CPE: variants seen among roughly 807,000 people sequenced by gnomAD.
CPE encodes the protein carboxypeptidase E.
Under a neutral mutation model 53.5 loss-of-function variants are expected in CPE, and 17 were observed. That is an observed-to-expected ratio of 0.32 (90% CI 0.22 to 0.48). The LOEUF (loss-of-function observed/expected upper bound fraction) is 0.48. CPE is among the 20% of genes least tolerant of loss of function. CPE has a pLI of 0.99. For synonymous variants in CPE, 226 were observed against 228.8 expected, an observed-to-expected ratio of 0.99 and a Z score of 0.11; for missense variants, 524 against 614.7, an observed-to-expected ratio of 0.85 and a Z score of 1.56.
At chr4:165,460,568 C>T (rs113692781) in intron 1 of CPE, among the ~76,000 whole-genome samples, 5 of 152,238 alleles carry the variant, frequency 3.3e-5, no homozygotes, top group Admixed American at 6.5e-5. Flanking sequence ...GGTGCAGCCT[C>T]CTTGAAGCTG....
At chr4:165,381,124 CTAA>C (rs1730499521) in intron 1 of CPE, among the ~76,000 whole-genome samples, 1 of 152,050 alleles carries the variant, frequency 6.6e-6, no homozygotes, top group Non-Finnish European at 1.5e-5. Context: ...TATATGAAAG[CTAA>C]TGTTTAACTT....
intron 1 of CPE, among the ~76,000 whole-genome samples, chr4:165,393,805 T>C (rs1730720656): frequency 6.6e-6 from 1 of 152,202 alleles, no homozygotes; most frequent in South Asian, 2.1e-4. Flanking sequence ...TAAATGGCTA[T>C]GGGTGTGCCG....
At chr4:165,496,977 C>T (rs1029589945) in intron 8 of CPE, among the ~76,000 whole-genome samples, 1 of 152,172 alleles carries the variant, frequency 6.6e-6, no homozygotes, top group Non-Finnish European at 1.5e-5. Flanking sequence ...GGCTGGAGTG[C>T]AGTGGCACGA....
chr4:165,411,396 T>G (rs1414347557), intron 1 of CPE, among the ~76,000 whole-genome samples: 1 of 152,212 alleles, frequency 6.6e-6, no homozygotes, highest in Non-Finnish European at 1.5e-5. Flanking sequence ...GATCCCTTGT[T>G]TTATTTAGTT....
intron 1 of CPE, among the ~76,000 whole-genome samples, chr4:165,447,881 A>C (rs1731744903): frequency 6.6e-6 from 1 of 152,188 alleles, no homozygotes; most frequent in South Asian, 2.1e-4. Flanking sequence ...AGGGTCAGGA[A>C]CATCAAAACA....
intron 1 of CPE, chr4:165,405,909 G>A: frequency 1.4e-6 from 1 of 732,050 alleles, no homozygotes. Flanking sequence ...GGCATAAAAT[G>A]GCAGGATCCA....
In CPE at chr4:165,473,582, T is replaced by C. The variant is rs534455527; in HGVS notation, c.672+5727T>C. ...GGTAGGACTGACTAGGTTGAAGTTA[T>C]TAGTTAAACATTTAGGTAACTTTCC... is the stretch of plus-strand genomic sequence containing the variant. On this transcript the variant is annotated intron_variant, in intron 3 of 8. Transcript: ENST00000402744. Among the ~76,000 whole-genome samples the C allele has an allele frequency of 9.2e-4, 140 of 152,370 alleles. 1 individual carries two copies. Among genetic ancestry groups the C allele is most frequent in the African/African-American group, 3.3e-3 (139 of 41,584 alleles).
intron 1 of CPE, among the ~76,000 whole-genome samples, chr4:165,416,182 C>A (rs370172989): frequency 9.2e-5 from 14 of 151,706 alleles, no homozygotes; most frequent in African/African-American, 2.4e-4. Context: ...TGTAGGGAAG[C>A]TTTCTGGCTT....
intron 1 of CPE, among the ~76,000 whole-genome samples, chr4:165,389,182 A>G (rs796113812): frequency 1.4e-4 from 21 of 152,336 alleles, no homozygotes; most frequent in African/African-American, 5.1e-4. Flanking sequence ...ATGTAGCTAA[A>G]TAGACTGAAA....
At chr4:165,447,061 A>G (rs1731728845) in intron 1 of CPE, among the ~76,000 whole-genome samples, 1 of 152,216 alleles carries the variant, frequency 6.6e-6, no homozygotes. Flanking sequence ...ATTGGTAAGC[A>G]TTTGTATATC....
intron 1 of CPE, among the ~76,000 whole-genome samples, chr4:165,424,520 A>T (rs996088777): frequency 6.6e-6 from 1 of 150,458 alleles, no homozygotes; most frequent in African/African-American, 2.4e-5. Context: ...TTAAATTTTT[A>T]TTTATTTGTA....
At position 165,480,099 on chromosome 4, in the gene CPE, A is replaced by G. The variant is rs186583433; in HGVS notation, c.673-2143A>G. On this transcript the variant is annotated intron_variant, in intron 3 of 8. Transcript: ENST00000402744. ...TAATCTCTAAATATAAAAAACTTCT[A>G]GTTTTATTAGTTAATTAAAATAATG... is the stretch of plus-strand genomic sequence containing the variant. 4.3e-3 allele frequency among the ~76,000 whole-genome samples: 648 copies of G among 152,252 alleles called. 2 individuals carry two copies. Among genetic ancestry groups the G allele is most frequent in the African/African-American group, 0.015 (623 of 41,572 alleles).
At chr4:165,444,141 C>A (rs550343887) in intron 1 of CPE, among the ~76,000 whole-genome samples, 2 of 152,186 alleles carry the variant, frequency 1.3e-5, no homozygotes, top group East Asian at 3.9e-4. Context: ...TGAGGGTGCA[C>A]GATTTAGCCC....
chr4:165,426,305 G>A (rs1731316852), intron 1 of CPE, among the ~76,000 whole-genome samples: 1 of 152,202 alleles, frequency 6.6e-6, no homozygotes, highest in Admixed American at 6.5e-5. Flanking sequence ...GTTAGCCTTT[G>A]TTATATATAA....
intron 1 of CPE, among the ~76,000 whole-genome samples, chr4:165,442,050 T>G (rs1270487204): frequency 1.4e-4 from 18 of 131,110 alleles, no homozygotes; most frequent in African/African-American, 3.9e-4. Flanking sequence ...TTTTTTTGTT[T>G]TTTTTTTTTT....
At chr4:165,455,933 G>A (rs929140534) in intron 1 of CPE, among the ~76,000 whole-genome samples, 7 of 152,176 alleles carry the variant, frequency 4.6e-5, no homozygotes, top group Admixed American at 2.0e-4. Context: ...GATTACAGGC[G>A]TGAGCCACCA....
chr4:165,434,392 G>A (rs1282773227), intron 1 of CPE, among the ~76,000 whole-genome samples: 2 of 152,122 alleles, frequency 1.3e-5, no homozygotes, highest in Non-Finnish European at 2.9e-5. Flanking sequence ...GTGAAATAGC[G>A]ATGTTATAGT....
intron 1 of CPE, chr4:165,405,505 T>A: frequency 2.1e-6 from 2 of 945,260 alleles, no homozygotes; most frequent in Non-Finnish European, 3.5e-6. Context: ...TTCACACTTT[T>A]TCTTCCACTT....
chr4:165,399,404 AC>A (rs1306500512), intron 1 of CPE, among the ~76,000 whole-genome samples: 2 of 152,154 alleles, frequency 1.3e-5, no homozygotes, highest in African/African-American at 4.8e-5. Flanking sequence ...AGTCTCTGTC[AC>A]CCAGGCTGGA....
Sources: gnomAD v4.1 joint callset for allele counts (sites outside exome capture counted in the v4.1 genomes callset) on GRCh38, gnomAD v4.1.1 for gene constraint, MANE v1.5 for transcripts, NCBI Gene and HGNC (gene_info 2026-07-23, HGNC 2026-07-21) for gene names.